CDK5RAP2: variants seen among roughly 807,000 people sequenced by gnomAD.
CDK5RAP2 encodes the protein CDK5 regulatory subunit-associated protein 2.
Under a neutral mutation model 232.9 loss-of-function variants are expected in CDK5RAP2, and 147 were observed. That is an observed-to-expected ratio of 0.63 (90% confidence interval 0.55 to 0.72). The LOEUF (loss-of-function observed/expected upper bound fraction) is 0.72. Among genes scored for constraint, CDK5RAP2 ranks in the 30% least tolerant of loss-of-function variants. The probability of loss-of-function intolerance (pLI) is 0.00; values close to 1 mark genes in which losing one functional copy is unlikely to be tolerated. For missense variants in CDK5RAP2, 2,195 were observed against 2,231.5 expected (o/e 0.98, Z 0.33); for synonymous variants, 833 against 833.7 (o/e 1.00, Z 0.01).
At chr9:120,468,524 T>G (rs1419529268) in intron 17 of CDK5RAP2, among the ~76,000 whole-genome samples, 1 of 152,250 alleles carries the variant, frequency 6.6e-6, no homozygotes, top group East Asian at 1.9e-4. Context: ...AATTTACAGC[T>G]ACTAAAATAC....
chr9:120,537,668 C>A (rs562489896), intron 6 of CDK5RAP2, among the ~76,000 whole-genome samples: 4 of 150,598 alleles, frequency 2.7e-5, no homozygotes, highest in Non-Finnish European at 5.9e-5. Flanking sequence ...CTTAGCCACA[C>A]TGTGCCTGTT....
intron 9 of CDK5RAP2, 117 bp from the exon 10 acceptor site, chr9:120,528,042 G>A: frequency 7.3e-7 from 1 of 1,366,108 alleles, no homozygotes; most frequent in Non-Finnish European, 1.0e-6. Context: ...CTGTCAACCT[G>A]TGATTAATGT....
chr9:120,421,694 G>A (rs2034575004), intron 26 of CDK5RAP2, among the ~76,000 whole-genome samples: 1 of 152,182 alleles, frequency 6.6e-6, no homozygotes. Context: ...ATAGACACAA[G>A]CTAAGAAATT....
At chr9:120,416,035 A>T (rs981557605) in intron 27 of CDK5RAP2, among the ~76,000 whole-genome samples, 10 of 152,222 alleles carry the variant, frequency 6.6e-5, no homozygotes, top group Non-Finnish European at 8.8e-5. Context: ...TATAGAAAAA[A>T]AAAATTCAGT....
At chr9:120,560,009 A>G (rs2042405020) in intron 3 of CDK5RAP2, among the ~76,000 whole-genome samples, 1 of 152,184 alleles carries the variant, frequency 6.6e-6, no homozygotes. Flanking sequence ...AAATCTAAGC[A>G]AAGTACACCT....
At chr9:120,465,647 G>A (rs568106369) in intron 18 of CDK5RAP2, among the ~76,000 whole-genome samples, 11 of 151,526 alleles carry the variant, frequency 7.3e-5, no homozygotes, top group African/African-American at 2.4e-4. Flanking sequence ...TATGCCTATT[G>A]CATATTTCTA....
intron 25 of CDK5RAP2, among the ~76,000 whole-genome samples, chr9:120,435,157 T>C (rs1352226333): frequency 6.6e-6 from 1 of 152,158 alleles, no homozygotes; most frequent in Non-Finnish European, 1.5e-5. Flanking sequence ...ACTTTTAAAT[T>C]CAAGAACATA....
intron 11 of CDK5RAP2, among the ~76,000 whole-genome samples, chr9:120,519,915 T>C (rs1472092633): frequency 6.6e-6 from 1 of 151,538 alleles, no homozygotes; most frequent in Non-Finnish European, 1.5e-5. Flanking sequence ...CAGATTCATT[T>C]GGAGAAAAAA....
chr9:120,450,444 T>C (rs1349041068), intron 21 of CDK5RAP2, among the ~76,000 whole-genome samples: 2 of 152,198 alleles, frequency 1.3e-5, no homozygotes, highest in Non-Finnish European at 2.9e-5. Context: ...TGTCCAACTC[T>C]GTGAATAGAC....
chr9:120,517,230 A>C (rs931189458), intron 12 of CDK5RAP2, among the ~76,000 whole-genome samples: 2 of 152,208 alleles, frequency 1.3e-5, no homozygotes, highest in African/African-American at 2.4e-5. Flanking sequence ...TAGTTTTTCT[A>C]GGTTTTCTTT....
intron 7 of CDK5RAP2, among the ~76,000 whole-genome samples, chr9:120,534,385 T>G (rs1364613988): frequency 2.0e-5 from 3 of 152,126 alleles, no homozygotes; most frequent in Non-Finnish European, 4.4e-5. Flanking sequence ...TCCTAATCCC[T>G]CTAAACTGAA....
intron 12 of CDK5RAP2, among the ~76,000 whole-genome samples, chr9:120,515,357 C>T (rs771979477): frequency 1.5e-4 from 23 of 152,208 alleles, no homozygotes; most frequent in Non-Finnish European, 2.9e-4. Context: ...TCCCTGACTA[C>T]CACATCACAC....
Position 120,518,432 on chromosome 9 carries a change from T to G in CDK5RAP2, c.1306A>C (p.Ile436Leu). ...HREKSKGDCT[I>L]RDLRNEVEKL... ...AAGGGCAGGGCGGTACTCACACGGA[T>G]GGTGCAGTCTCCTTTGCTCTTCTCT... The change falls in exon 12 of 38, where the codon ATC becomes CTC. Residue 436 changes from isoleucine (I) to leucine (L), a missense_variant. Ile to Leu is a conservative substitution (Grantham distance 5). Coordinates refer to ENST00000349780, the MANE Select transcript of CDK5RAP2 (RefSeq NM_018249.6). The G allele has an allele frequency of 6.2e-7, 1 of 1,613,046 alleles. No homozygotes were observed. Among genetic ancestry groups the G allele is most frequent in the East Asian group, 2.2e-5 (1 of 44,866 alleles).
At chr9:120,507,283 C>A (rs924139359) in intron 12 of CDK5RAP2, among the ~76,000 whole-genome samples, 1 of 152,196 alleles carries the variant, frequency 6.6e-6, no homozygotes, top group Non-Finnish European at 1.5e-5. Flanking sequence ...TCGTAAGACT[C>A]GCTTTATTCC....
chr9:120,565,162 T>G (rs1002573777), intron 3 of CDK5RAP2, among the ~76,000 whole-genome samples: 7 of 152,166 alleles, frequency 4.6e-5, no homozygotes, highest in Admixed American at 4.6e-4. Flanking sequence ...AGACCTGGGT[T>G]CAAAGCTGAA....
At chr9:120,437,609 A>G (rs1337498707) in intron 24 of CDK5RAP2, 82 bp from the exon 25 acceptor site, 6 of 1,024,044 alleles carry the variant, frequency 5.9e-6, no homozygotes, top group Non-Finnish European at 9.3e-6. Flanking sequence ...GAAAAATGAC[A>G]GAGTACAATT....
intron 32 of CDK5RAP2, chr9:120,406,003 C>G (rs1439436164): frequency 1.3e-5 from 2 of 152,152 alleles, no homozygotes; most frequent in Non-Finnish European, 2.9e-5. Flanking sequence ...TGTGTAGAAT[C>G]ATGAACTTTT....
chr9:120,554,851 T>G (rs532129652), intron 3 of CDK5RAP2, among the ~76,000 whole-genome samples: 8 of 152,272 alleles, frequency 5.3e-5, no homozygotes, highest in African/African-American at 1.9e-4. Flanking sequence ...CAGGCTGGTC[T>G]CAAACTCCTG....
At chr9:120,406,990 T>C in intron 32 of CDK5RAP2, 22 bp downstream of exon 32, 1 of 1,542,474 alleles carries the variant, frequency 6.5e-7, no homozygotes, top group Non-Finnish European at 9.0e-7. Context: ...TCTCAGCAAG[T>C]GGGGAGAGGC....
Sources: allele counts gnomAD v4.1 joint callset (sites outside exome capture counted in the v4.1 genomes callset), GRCh38; gene constraint gnomAD v4.1.1; transcripts MANE v1.5; gene names NCBI Gene and HGNC (gene_info 2026-07-23, HGNC 2026-07-21).